The following INSC variants were observed in gnomAD, a reference collection of about 807,000 sequenced individuals.
INSC encodes INSC spindle orientation adaptor protein.
In INSC, 67 loss-of-function variants were observed where a neutral mutation model predicts 58.6. The ratio of observed to expected loss-of-function variants is 1.14; its 90% CI spans 0.94 to 1.40. The LOEUF (loss-of-function observed/expected upper bound fraction) is 1.40, where lower values mean the gene tolerates loss of function less well. INSC is among the 40% of genes most tolerant of loss of function. INSC has a pLI of 0.00. For missense variants in INSC, 714 were observed against 692.0 expected, an observed-to-expected ratio of 1.03 and a Z score of -0.36; for synonymous variants, 262 against 276.1, an observed-to-expected ratio of 0.95 and a Z score of 0.51.
chr11:15,222,264 C>T (rs1851472920), intron 8 of INSC, among the ~76,000 whole-genome samples: 1 of 152,168 alleles, frequency 6.6e-6, no homozygotes, highest in Non-Finnish European at 1.5e-5. Context: ...ACTGAAAGCG[C>T]TTGTCTGGAT....
At chr11:15,255,736 A>G in the INSC span, among the ~76,000 whole-genome samples, 2,323 of 148,008 alleles carry the variant, frequency 0.016, 63 homozygotes, top group African/African-American at 0.053. Context: ...AAGTGTGTGT[A>G]TGTGTGTGTG....
intron 6 of INSC, among the ~76,000 whole-genome samples, chr11:15,197,797 T>C (rs1850427470): frequency 6.6e-6 from 1 of 152,168 alleles, no homozygotes; most frequent in South Asian, 2.1e-4. Context: ...AACTCCTCTG[T>C]TATTCCTTCC....
At chr11:15,240,383 AC>A in intron 11 of INSC, 63 bp from the exon 12 acceptor site, 1 of 1,418,656 alleles carries the variant, frequency 7.0e-7, no homozygotes, top group Non-Finnish European at 9.9e-7. Context: ...GAGGCCCAGA[AC>A]CTCTGGGTCA....
intron 7 of INSC, among the ~76,000 whole-genome samples, chr11:15,204,588 G>A (rs1207150668): frequency 2.0e-5 from 3 of 152,242 alleles, no homozygotes; most frequent in Non-Finnish European, 2.9e-5. Context: ...CATTGTCAGT[G>A]TTGAGGATGG....
At chr11:15,264,870 A>G in the INSC span, among the ~76,000 whole-genome samples, 1 of 152,132 alleles carries the variant, frequency 6.6e-6, no homozygotes, top group African/African-American at 2.4e-5. Flanking sequence ...TTGGGGTGGC[A>G]GCATTATTCT....
the INSC span, among the ~76,000 whole-genome samples, chr11:15,259,748 A>C: frequency 6.6e-6 from 1 of 152,180 alleles, no homozygotes; most frequent in Non-Finnish European, 1.5e-5. Flanking sequence ...TCCAAATTTC[A>C]TGACTATTAA....
At chr11:15,113,010 A>C (rs577827882), upstream of INSC, among the ~76,000 whole-genome samples, 8 of 152,258 alleles carry the variant, frequency 5.3e-5, no homozygotes, top group East Asian at 1.5e-3. Flanking sequence ...GATGCAAAAC[A>C]GGTTTCTTTG....
chr11:15,131,820 A>G (rs1462337352), intron 1 of INSC, among the ~76,000 whole-genome samples: 1 of 152,008 alleles, frequency 6.6e-6, no homozygotes, highest in African/African-American at 2.4e-5. Context: ...ACTTTAAGCT[A>G]TTTTAGGTCT....
At chr11:15,150,027 T>G (rs559944826) in intron 2 of INSC, among the ~76,000 whole-genome samples, 1 of 152,346 alleles carries the variant, frequency 6.6e-6, no homozygotes, top group South Asian at 2.1e-4. Context: ...CCATAAAAGA[T>G]GTAGCTTGTG....
At chr11:15,219,289 A>C (rs1244855968) in intron 7 of INSC, among the ~76,000 whole-genome samples, 1 of 152,158 alleles carries the variant, frequency 6.6e-6, no homozygotes, top group Non-Finnish European at 1.5e-5. Context: ...ATGATAGCAA[A>C]GGTACTTGGG....
intron 1 of INSC, among the ~76,000 whole-genome samples, chr11:15,140,669 C>A (rs1388787040): frequency 4.0e-5 from 6 of 150,634 alleles, no homozygotes; most frequent in African/African-American, 1.5e-4. Context: ...ACCTTAAATT[C>A]CTGGGTTCAG....
intron 1 of INSC, 52 bp from the exon 2 acceptor site, chr11:15,149,078 T>C: frequency 6.7e-7 from 1 of 1,498,388 alleles, no homozygotes; most frequent in Non-Finnish European, 8.9e-7. Context: ...GAGAAAGTGA[T>C]TGTGCCTCCT....
At chr11:15,173,645 T>C (rs75511027) in intron 2 of INSC, among the ~76,000 whole-genome samples, 2,935 of 152,256 alleles carry the variant, frequency 0.019, 96 homozygotes, top group African/African-American at 0.067. Flanking sequence ...TACATATGCA[T>C]GTATATGTAT....
At chr11:15,200,696 G>A (rs1365568609) in intron 6 of INSC, 128 bp from the exon 7 acceptor site, 1 of 1,126,878 alleles carries the variant, frequency 8.9e-7, no homozygotes, top group Non-Finnish European at 1.3e-6. Context: ...GTGTGTGTGG[G>A]GCGGGGGTTG....
At chr11:15,232,796 A>T (rs1293573468) in intron 9 of INSC, among the ~76,000 whole-genome samples, 1 of 152,206 alleles carries the variant, frequency 6.6e-6, no homozygotes, top group Non-Finnish European at 1.5e-5. Flanking sequence ...TAAGGAAGCA[A>T]AGGTCAGAAG....
chr11:15,112,533 G>C (rs1174168000), upstream of INSC: 1 of 1,610,734 alleles, frequency 6.2e-7, no homozygotes, highest in Non-Finnish European at 8.5e-7. Flanking sequence ...GGGTCTATGG[G>C]GAGTCCAGGA....
chr11:15,129,759 AT>A (rs532411143), intron 1 of INSC, among the ~76,000 whole-genome samples: 3 of 152,282 alleles, frequency 2.0e-5, no homozygotes, highest in Non-Finnish European at 4.4e-5. Flanking sequence ...AATTAAAATA[AT>A]TTTTTTGTAG....
At chr11:15,118,161 G>C (rs1847779522) in intron 1 of INSC, among the ~76,000 whole-genome samples, 1 of 152,180 alleles carries the variant, frequency 6.6e-6, no homozygotes, top group Admixed American at 6.5e-5. Flanking sequence ...CTTGGGATGG[G>C]GAGCTTGGAC....
intron 1 of INSC, among the ~76,000 whole-genome samples, chr11:15,117,915 T>TA (rs1847771534): frequency 6.6e-6 from 1 of 152,210 alleles, no homozygotes; most frequent in Non-Finnish European, 1.5e-5. Flanking sequence ...GGGCCATTGA[T>TA]AAACACCCCC....
Sources: allele counts gnomAD v4.1 joint callset (sites outside exome capture counted in the v4.1 genomes callset), GRCh38; gene constraint gnomAD v4.1.1; transcripts MANE v1.5; gene names NCBI Gene and HGNC (gene_info 2026-07-23, HGNC 2026-07-21).